HTR7: variants seen among roughly 807,000 people sequenced by gnomAD.
The protein encoded by HTR7 is 5-hydroxytryptamine receptor 7, also known as 5-HT-7.
HTR7 carries 16 observed loss-of-function variants against 34.0 expected under a neutral mutation model. The ratio of observed to expected loss-of-function variants is 0.47; its 90% CI spans 0.32 to 0.71. The LOEUF is 0.71. Ranked by LOEUF, HTR7 falls within the 30% of genes least tolerant of loss-of-function variation. The pLI is 0.04. For missense variants in HTR7, 504 were observed against 625.5 expected (o/e 0.81, Z 2.07); for synonymous variants, 265 against 260.2 (o/e 1.02, Z -0.18).
intron 1 of HTR7, among the ~76,000 whole-genome samples, chr10:90,856,137 A>G (rs1220946441): frequency 1.3e-5 from 2 of 152,226 alleles, no homozygotes; most frequent in African/African-American, 4.8e-5. Flanking sequence ...ATCCACTAAG[A>G]AAATAAGCAA....
chr10:90,827,943 C>T (rs1398743355), intron 1 of HTR7, among the ~76,000 whole-genome samples: 1 of 152,180 alleles, frequency 6.6e-6, no homozygotes, highest in Non-Finnish European at 1.5e-5. Context: ...GGATCATTCT[C>T]AAGGATAGAC....
At chr10:90,780,384 A>G (rs1247757767) in intron 1 of HTR7, among the ~76,000 whole-genome samples, 1 of 152,072 alleles carries the variant, frequency 6.6e-6, no homozygotes, top group Non-Finnish European at 1.5e-5. Flanking sequence ...AAAAATGCGT[A>G]AAATTATCTG....
intron 1 of HTR7, among the ~76,000 whole-genome samples, chr10:90,798,273 A>G (rs896471133): frequency 6.6e-6 from 1 of 152,202 alleles, no homozygotes. Context: ...ACTGGGTACA[A>G]TCCTACTCAA....
At chr10:90,784,350 T>C (rs1564680757) in intron 1 of HTR7, among the ~76,000 whole-genome samples, 1 of 152,174 alleles carries the variant, frequency 6.6e-6, no homozygotes, top group Non-Finnish European at 1.5e-5. Context: ...CCTGCTCTAA[T>C]CCTTCTTAGG....
chr10:90,748,790 C>A, intron 2 of HTR7, 49 bp downstream of exon 2: 2 of 1,542,946 alleles, frequency 1.3e-6, no homozygotes, highest in South Asian at 1.3e-5. Flanking sequence ...CAAAAAGCTG[C>A]ATAAAAGGGT....
intron 1 of HTR7, among the ~76,000 whole-genome samples, chr10:90,776,488 A>T (rs1845213071): frequency 6.6e-6 from 1 of 152,136 alleles, no homozygotes; most frequent in Non-Finnish European, 1.5e-5. Context: ...AATTCTATAA[A>T]CCTTAGACAA....
chr10:90,780,353 T>G (rs1272400120), intron 1 of HTR7, among the ~76,000 whole-genome samples: 1 of 152,038 alleles, frequency 6.6e-6, no homozygotes. Context: ...CTGGCCAATG[T>G]GGTGAAACCC....
chr10:90,774,268 G>A (rs1397601272), intron 1 of HTR7, among the ~76,000 whole-genome samples: 3 of 152,090 alleles, frequency 2.0e-5, no homozygotes, highest in East Asian at 3.8e-4. Flanking sequence ...CATGAAAAGG[G>A]GAGCAGCTTT....
At chr10:90,751,774 T>C (rs966619682) in intron 1 of HTR7, among the ~76,000 whole-genome samples, 2 of 152,204 alleles carry the variant, frequency 1.3e-5, no homozygotes, top group Admixed American at 1.3e-4. Flanking sequence ...AACTCCTATT[T>C]TGAGGAAATC....
intron 1 of HTR7, among the ~76,000 whole-genome samples, chr10:90,800,078 A>T (rs1452265105): frequency 6.6e-6 from 1 of 152,238 alleles, no homozygotes; most frequent in Non-Finnish European, 1.5e-5. Context: ...TAATAAGAAG[A>T]AAAATACAAA....
At chr10:90,766,262 T>C (rs544287112) in intron 1 of HTR7, among the ~76,000 whole-genome samples, 26 of 152,362 alleles carry the variant, frequency 1.7e-4, no homozygotes, top group East Asian at 3.9e-4. Context: ...CTCTTTATCA[T>C]TGCATAATGA....
At chr10:90,834,904 G>T (rs1001451920) in intron 1 of HTR7, among the ~76,000 whole-genome samples, 1 of 152,094 alleles carries the variant, frequency 6.6e-6, no homozygotes, top group African/African-American at 2.4e-5. Context: ...GAAGAATTGG[G>T]GGCAGTTTTT....
intron 1 of HTR7, among the ~76,000 whole-genome samples, chr10:90,774,327 A>C (rs1360571964): frequency 6.6e-6 from 1 of 152,190 alleles, no homozygotes; most frequent in Non-Finnish European, 1.5e-5. Flanking sequence ...TTTTATATAA[A>C]TATATTGATC....
chr10:90,771,503 G>C (rs1271420485), intron 1 of HTR7, among the ~76,000 whole-genome samples: 7 of 152,236 alleles, frequency 4.6e-5, no homozygotes, highest in Admixed American at 4.6e-4. Context: ...CTCCCTCTTT[G>C]AGACCTGTGA....
intron 1 of HTR7, among the ~76,000 whole-genome samples, chr10:90,833,002 C>T (rs1452734831): frequency 6.6e-6 from 1 of 152,230 alleles, no homozygotes; most frequent in East Asian, 1.9e-4. Context: ...AACAGCATGT[C>T]AGTTTCCCAG....
At chr10:90,835,444 A>T (rs939455728) in intron 1 of HTR7, among the ~76,000 whole-genome samples, 2 of 152,184 alleles carry the variant, frequency 1.3e-5, no homozygotes, top group African/African-American at 4.8e-5. Context: ...GAAGAAAAAA[A>T]CACAACCCAC....
chr10:90,842,930 T>C (rs1434097428), intron 1 of HTR7, among the ~76,000 whole-genome samples: 1 of 152,158 alleles, frequency 6.6e-6, no homozygotes, highest in Non-Finnish European at 1.5e-5. Context: ...CCCTTGGGAC[T>C]GTCCCACTGC....
chr10:90,836,503 T>C (rs1312337829), intron 1 of HTR7, among the ~76,000 whole-genome samples: 1 of 152,110 alleles, frequency 6.6e-6, no homozygotes, highest in Non-Finnish European at 1.5e-5. Context: ...TGAATATATA[T>C]TGTTAATTAA....
chr10:90,751,556 G>A (rs1226749950), intron 1 of HTR7, among the ~76,000 whole-genome samples: 1 of 152,098 alleles, frequency 6.6e-6, no homozygotes, highest in Non-Finnish European at 1.5e-5. Context: ...AAGTCCAGCA[G>A]GTAGAGGTTA....
Sources: gnomAD v4.1 joint callset for allele counts (sites outside exome capture counted in the v4.1 genomes callset) on GRCh38, gnomAD v4.1.1 for gene constraint, MANE v1.5 for transcripts, NCBI Gene and HGNC (gene_info 2026-07-23, HGNC 2026-07-21) for gene names.